The following DRC11 variants were observed in gnomAD, a reference collection of about 807,000 sequenced individuals.
The protein encoded by DRC11 is IQ and AAA domain-containing protein 1.
chr2:236,485,217 G>A, the DRC11 span, among the ~76,000 whole-genome samples: 2 of 151,460 alleles, frequency 1.3e-5, no homozygotes, highest in African/African-American at 2.4e-5. Flanking sequence ...TGTATACTGT[G>A]TATATGACTA....
the DRC11 span, among the ~76,000 whole-genome samples, chr2:236,410,050 G>A: frequency 3.3e-3 from 501 of 152,110 alleles, 5 homozygotes; most frequent in Non-Finnish European, 3.4e-3. Flanking sequence ...TGTTCATCAA[G>A]GATATTGGTC....
At chr2:236,331,285 A>G in the DRC11 span, 3 of 1,087,134 alleles carry the variant, frequency 2.8e-6, no homozygotes, top group African/African-American at 3.1e-5. This position sits in a 1 kb window ranked among gnomAD's most constrained non-coding sequence, Gnocchi z 4.8. Flanking sequence ...CACGAAACCC[A>G]CGGAACTGCA....
At chr2:236,356,955 CATAA>C in the DRC11 span, among the ~76,000 whole-genome samples, 28 of 114,614 alleles carry the variant, frequency 2.4e-4, no homozygotes, top group African/African-American at 7.6e-4. Flanking sequence ...ATTCATATAT[CATAA>C]ATATATATAT....
the DRC11 span, among the ~76,000 whole-genome samples, chr2:236,310,214 T>C: frequency 2.6e-5 from 4 of 152,146 alleles, no homozygotes; most frequent in African/African-American, 9.7e-5. This position sits in a 1 kb window ranked among gnomAD's most constrained non-coding sequence, Gnocchi z 5.5. Flanking sequence ...CACTCCTCCC[T>C]TTCCTGGGCC....
the DRC11 span, among the ~76,000 whole-genome samples, chr2:236,365,176 A>C: frequency 6.6e-6 from 1 of 151,954 alleles, no homozygotes; most frequent in African/African-American, 2.4e-5. This position sits in a 1 kb window ranked among gnomAD's most constrained non-coding sequence, Gnocchi z 7.4. Context: ...AGTGACACAA[A>C]TGTGGAAAAG....
chr2:236,458,747 T>C, the DRC11 span, among the ~76,000 whole-genome samples: 1 of 151,714 alleles, frequency 6.6e-6, no homozygotes, highest in African/African-American at 2.4e-5. Flanking sequence ...TTCCTATAAG[T>C]CAGTTAGAAA....
chr2:236,498,389 C>T, the DRC11 span, among the ~76,000 whole-genome samples: 5 of 151,894 alleles, frequency 3.3e-5, no homozygotes, highest in South Asian at 2.1e-4. Context: ...CACTTGAACC[C>T]GGGAGGTGGA....
At chr2:236,355,709 C>G in the DRC11 span, among the ~76,000 whole-genome samples, 1 of 150,858 alleles carries the variant, frequency 6.6e-6, no homozygotes, top group African/African-American at 2.5e-5. Flanking sequence ...ATATGTATTA[C>G]ACTAATTGTA....
chr2:236,429,880 G>A, the DRC11 span, among the ~76,000 whole-genome samples: 1 of 152,162 alleles, frequency 6.6e-6, no homozygotes, highest in Non-Finnish European at 1.5e-5. This position sits in a 1 kb window ranked among gnomAD's most constrained non-coding sequence, Gnocchi z 5.9. Flanking sequence ...CCCTGCTTCT[G>A]TGCAGGCAGT....
chr2:236,433,397 T>C, the DRC11 span, among the ~76,000 whole-genome samples: 1 of 152,222 alleles, frequency 6.6e-6, no homozygotes, highest in African/African-American at 2.4e-5. Flanking sequence ...GAGCATGATA[T>C]GCTTTTCCAT....
the DRC11 span, among the ~76,000 whole-genome samples, chr2:236,318,271 G>A: frequency 6.6e-6 from 1 of 152,202 alleles, no homozygotes; most frequent in Admixed American, 6.5e-5. This position sits in a 1 kb window ranked among gnomAD's most constrained non-coding sequence, Gnocchi z 7.0. Context: ...ACACATCCCA[G>A]CACCTGCCAG....
At chr2:236,313,103 T>C in the DRC11 span, among the ~76,000 whole-genome samples, 1 of 152,146 alleles carries the variant, frequency 6.6e-6, no homozygotes, top group African/African-American at 2.4e-5. The surrounding 1 kb of genome is among the most constrained non-coding windows in gnomAD (Gnocchi z 4.5). Context: ...GAGAATATAA[T>C]ACTAGTCTTA....
chr2:236,343,563 A>G, the DRC11 span: 2 of 443,556 alleles, frequency 4.5e-6, no homozygotes, highest in East Asian at 1.4e-4. The surrounding 1 kb of genome is among the most constrained non-coding windows in gnomAD (Gnocchi z 6.6). Flanking sequence ...TGGGAGAGGG[A>G]GTAGCCCCTG....
At chr2:236,492,842 A>T in the DRC11 span, among the ~76,000 whole-genome samples, 3 of 152,222 alleles carry the variant, frequency 2.0e-5, no homozygotes, top group Admixed American at 6.5e-5. Context: ...GGAAACAGGA[A>T]AAAGATGCAG....
At chr2:236,386,064 CA>C in the DRC11 span, among the ~76,000 whole-genome samples, 1 of 149,132 alleles carries the variant, frequency 6.7e-6, no homozygotes, top group Non-Finnish European at 1.5e-5. Context: ...TTCGTTTTGC[CA>C]GTATTTTATT....
chr2:236,362,055 A>C, the DRC11 span, among the ~76,000 whole-genome samples: 1 of 152,350 alleles, frequency 6.6e-6, no homozygotes, highest in African/African-American at 2.4e-5. This position sits in a 1 kb window ranked among gnomAD's most constrained non-coding sequence, Gnocchi z 5.7. Context: ...CCAGGAAGGA[A>C]GACATAACAA....
At chr2:236,320,375 T>C in the DRC11 span, among the ~76,000 whole-genome samples, 1 of 152,168 alleles carries the variant, frequency 6.6e-6, no homozygotes, top group Non-Finnish European at 1.5e-5. Context: ...ACAGTATCAT[T>C]AGTGGCTAAA....
chr2:236,458,767 C>T, the DRC11 span, among the ~76,000 whole-genome samples: 7 of 152,232 alleles, frequency 4.6e-5, no homozygotes, highest in Admixed American at 2.6e-4. Flanking sequence ...AAAAAAAGGC[C>T]AGGCATGGTG....
chr2:236,475,816 A>G, the DRC11 span, among the ~76,000 whole-genome samples: 1 of 152,190 alleles, frequency 6.6e-6, no homozygotes, highest in Non-Finnish European at 1.5e-5. The surrounding 1 kb of genome is among the most constrained non-coding windows in gnomAD (Gnocchi z 4.8). Context: ...AGCATCATTT[A>G]TTGAAGAGAC....
Sources: allele counts gnomAD v4.1 joint callset (sites outside exome capture counted in the v4.1 genomes callset), GRCh38; gene constraint gnomAD v4.1.1; non-coding constraint Gnocchi (gnomAD v3.1); transcripts MANE v1.5; gene names NCBI Gene and HGNC (gene_info 2026-07-23, HGNC 2026-07-21).